CADPS2: variants seen among roughly 807,000 people sequenced by gnomAD.
CADPS2 encodes the protein calcium-dependent secretion activator 2.
A neutral mutation model predicts 172.5 loss-of-function variants in CADPS2; 93 were observed. The ratio of observed to expected loss-of-function variants is 0.54; its 90% confidence interval spans 0.46 to 0.64. CADPS2 has a LOEUF of 0.64. CADPS2 is among the 30% of genes least tolerant of loss of function. The probability of loss-of-function intolerance (pLI) is 0.00; values close to 1 mark genes in which losing one functional copy is unlikely to be tolerated. For synonymous variants in CADPS2, 546 were observed against 555.2 expected, an observed-to-expected ratio of 0.98 and a Z score of 0.23; for missense variants, 1,420 against 1,565.9, an observed-to-expected ratio of 0.91 and a Z score of 1.57.
At chr7:122,480,307 T>A (rs567485992) in intron 12 of CADPS2, among the ~76,000 whole-genome samples, 98 of 152,014 alleles carry the variant, frequency 6.4e-4, no homozygotes, top group African/African-American at 1.3e-3. Context: ...ATTTTTTTTT[T>A]ATTTTTCCTA....
Position 122,496,485 on chromosome 7 carries a change from T to C in CADPS2, c.1543-5065A>G, listed in dbSNP as rs1025085963. Among the ~76,000 whole-genome samples, 6 of 152,182 alleles carry C rather than the reference T, an allele frequency of 3.9e-5. 1 individual carries two copies. Among genetic ancestry groups the C allele is most frequent in the African/African-American group, 1.4e-4 (6 of 41,450 alleles). On this transcript the variant is annotated intron_variant, in intron 9 of 29. Transcript: ENST00000449022. ...CCTTGATTGTTTTTTTAAACTCATATAATTAGCTTATTCATTTTTAATTCA... is the reference window on the plus strand; with the variant it reads ...CCTTGATTGTTTTTTTAAACTCATACAATTAGCTTATTCATTTTTAATTCA...
chr7:122,667,334 AT>A (rs1421166363), intron 2 of CADPS2, among the ~76,000 whole-genome samples: 2 of 152,220 alleles, frequency 1.3e-5, no homozygotes, highest in African/African-American at 4.8e-5. Context: ...GACATTTTGT[AT>A]TTTCCAAGTT....
rs534330775 is a variant in CADPS2, at chr7:122,365,640, G to C, written c.3388-4627C>G. 7.9e-5 allele frequency among the ~76,000 whole-genome samples: 12 copies of C among 152,262 alleles called. No homozygotes were observed. The South Asian group carries it at 2.5e-3, about 32-fold the overall frequency. On this transcript the variant is annotated intron_variant, in intron 25 of 29. Transcript: ENST00000449022. ...TTGCCTTTGTGCTGTCTGTTCTCCT[G>C]AGGGTGTCGGGTTGGAATGAAACAC...
At chr7:122,788,013 C>T (rs1340774700) in intron 1 of CADPS2, among the ~76,000 whole-genome samples, 1 of 152,116 alleles carries the variant, frequency 6.6e-6, no homozygotes, top group Non-Finnish European at 1.5e-5. Context: ...AAACATCCCC[C>T]CTGTGAGAAT....
chr7:122,501,441 C>G (rs2059191189), intron 9 of CADPS2, among the ~76,000 whole-genome samples: 1 of 152,052 alleles, frequency 6.6e-6, no homozygotes, highest in South Asian at 2.1e-4. Flanking sequence ...ATATTATACT[C>G]TAAGTAATTC....
At chr7:122,537,480 G>GA (rs1242850991) in intron 8 of CADPS2, among the ~76,000 whole-genome samples, 1 of 150,984 alleles carries the variant, frequency 6.6e-6, no homozygotes, top group African/African-American at 2.4e-5. Flanking sequence ...AACATAAGCA[G>GA]AAAAAAAGCT....
At chr7:122,393,001 CTTT>C (rs2044575522) in intron 22 of CADPS2, among the ~76,000 whole-genome samples, 192 bp downstream of exon 22, 1 of 151,634 alleles carries the variant, frequency 6.6e-6, no homozygotes, top group Admixed American at 6.6e-5. Context: ...CGTGTTTTTT[CTTT>C]TTAATTGACA....
chr7:122,673,527 C>A (rs552412932), intron 2 of CADPS2, among the ~76,000 whole-genome samples: 2 of 151,940 alleles, frequency 1.3e-5, no homozygotes, highest in South Asian at 4.2e-4. Context: ...GGTCTCCAAG[C>A]CAGATTAGCT....
chr7:122,676,891 G>T (rs2082431968), intron 2 of CADPS2: 2 of 477,664 alleles, frequency 4.2e-6, no homozygotes, highest in Non-Finnish European at 7.5e-6. Context: ...TGGATTCTTT[G>T]TTGGCACTGT....
At chr7:122,712,780 T>C (rs992182915) in intron 2 of CADPS2, among the ~76,000 whole-genome samples, 1 of 152,100 alleles carries the variant, frequency 6.6e-6, no homozygotes, top group Non-Finnish European at 1.5e-5. Flanking sequence ...CATGAGGGCT[T>C]GCTTTCTGGT....
At chr7:122,638,454 C>G (rs1446626595) in intron 3 of CADPS2, among the ~76,000 whole-genome samples, 1 of 152,154 alleles carries the variant, frequency 6.6e-6, no homozygotes, top group African/African-American at 2.4e-5. Flanking sequence ...CAAAGCTCTC[C>G]TAAACCACAG....
chr7:122,370,157 C>A (rs568764492), intron 25 of CADPS2, among the ~76,000 whole-genome samples: 1 of 152,240 alleles, frequency 6.6e-6, no homozygotes, highest in Non-Finnish European at 1.5e-5. Context: ...CCTGTCCTCC[C>A]TGACTAAATG....
chr7:122,778,156 A>G (rs923255070), intron 1 of CADPS2, among the ~76,000 whole-genome samples: 29 of 152,164 alleles, frequency 1.9e-4, no homozygotes, highest in African/African-American at 6.3e-4. Flanking sequence ...AGGTGGTCTC[A>G]GATGGAGATA....
chr7:122,597,287 T>C (rs1394658454), intron 6 of CADPS2, among the ~76,000 whole-genome samples: 6 of 151,996 alleles, frequency 3.9e-5, no homozygotes, highest in Non-Finnish European at 8.8e-5. Flanking sequence ...ACATAATTAC[T>C]CGGAAAAAGA....
intron 9 of CADPS2, among the ~76,000 whole-genome samples, chr7:122,501,385 A>G (rs2059187601): frequency 6.6e-6 from 1 of 152,354 alleles, no homozygotes; most frequent in Admixed American, 6.5e-5. Context: ...TCACTAAATC[A>G]TAAGTAGTTA....
intron 7 of CADPS2, among the ~76,000 whole-genome samples, chr7:122,556,253 T>C (rs1273930992): frequency 1.3e-5 from 2 of 152,054 alleles, no homozygotes; most frequent in Non-Finnish European, 2.9e-5. Flanking sequence ...CTCAAACCAG[T>C]AGACAAAGGA....
At chr7:122,476,423 T>C (rs916648407) in intron 12 of CADPS2, among the ~76,000 whole-genome samples, 70 of 152,066 alleles carry the variant, frequency 4.6e-4, no homozygotes, top group African/African-American at 1.4e-3. Context: ...AAAATGGGCA[T>C]ACAAACTTTA....
In CADPS2 at chr7:122,870,825, T is replaced by C. The variant is rs2141483872; in HGVS notation, c.339+15174A>G. 2.6e-5 allele frequency among the ~76,000 whole-genome samples: 4 copies of C among 152,178 alleles called. 1 individual carries two copies. The South Asian group carries it at 8.3e-4, about 32-fold the overall frequency. On this transcript the variant is annotated intron_variant, in intron 1 of 29. Transcript: ENST00000449022. ...AGTGTCTGAAATAGTTCCTACCACA[T>C]GAAATCTGTTCAAATATTGCCTCAA... is the stretch of plus-strand genomic sequence containing the variant.
In CADPS2 at chr7:122,532,416, A is replaced by G. The variant is rs1368553520; in HGVS notation, c.1476-19101T>C. Among the ~76,000 whole-genome samples, 5 of 152,208 alleles carry G rather than the reference A, an allele frequency of 3.3e-5. No homozygotes were observed. In the East Asian group the frequency reaches 9.6e-4, roughly 29 times the overall value. ...ACTTAATTTTTAAAGAGTTGGAAAT[A>G]AAGTATTTCAAATTGCACATATTCT... is the stretch of plus-strand genomic sequence containing the variant. On this transcript the variant is annotated intron_variant, in intron 8 of 29. Transcript: ENST00000449022.
Sources: gnomAD v4.1 joint callset for allele counts (sites outside exome capture counted in the v4.1 genomes callset) on GRCh38, gnomAD v4.1.1 for gene constraint, MANE v1.5 for transcripts, NCBI Gene and HGNC (gene_info 2026-07-23, HGNC 2026-07-21) for gene names.